Variants in PREX1 observed in about 807,000 individuals in gnomAD.
PREX1 encodes phosphatidylinositol 3,4,5-trisphosphate-dependent Rac exchanger 1 protein.
A neutral mutation model predicts 198.3 loss-of-function variants in PREX1; 41 were observed. That is an observed-to-expected ratio of 0.21 (90% CI 0.16 to 0.27). PREX1 has a LOEUF of 0.27. Ranked by LOEUF, PREX1 falls within the 10% of genes least tolerant of loss-of-function variation. The pLI, the probability that PREX1 is intolerant of heterozygous loss-of-function variation, is 1.00. For synonymous variants in PREX1, 843 were observed against 887.2 expected, an observed-to-expected ratio of 0.95 and a Z score of 0.89; for missense variants, 1,620 against 2,200.7, an observed-to-expected ratio of 0.74 and a Z score of 5.28.
chr20:48,692,051 A>G lies in PREX1; in HGVS notation c.1036+621T>C, dbSNP rs559113240. The stretch of plus-strand genomic sequence containing the variant: ...ACCACAGTTGCACGCCACCATGTCC[A>G]GCTAGTTTTTGTATTTTTTGTAGAG... On this transcript the variant is annotated intron_variant, in intron 8 of 39. Transcript: ENST00000371941. Among the ~76,000 whole-genome samples, 11 of 152,190 alleles carry G rather than the reference A, an allele frequency of 7.2e-5. No individual in the cohort carries two copies. The South Asian group carries it at 2.3e-3, about 32-fold the overall frequency.
In PREX1 at chr20:48,674,347, T is replaced by C. The variant is rs547428301; in HGVS notation, c.1665+1846A>G. On this transcript the variant is annotated intron_variant, in intron 14 of 39. Transcript: ENST00000371941. ...ATTGGCTGTGATTTATCAGCACGTA[T>C]CAGGAATTTGTGCAACATGAGAAAA... is the stretch of plus-strand genomic sequence containing the variant. 1.1e-4 allele frequency among the ~76,000 whole-genome samples: 17 copies of C among 152,382 alleles called. 1 individual carries two copies. The South Asian group carries it at 3.5e-3, about 32-fold the overall frequency.
At position 48,630,799 on chromosome 20, in the gene PREX1, G is replaced by C; in HGVS notation, c.4527-5C>G. Reference sequence around the variant, plus strand: ...GACCGCTCCAGGTAAAATGCCCTGCGAGAGAAAGATGGGAATGAGGCGGGG... The same window carrying C: ...GACCGCTCCAGGTAAAATGCCCTGCCAGAGAAAGATGGGAATGAGGCGGGG... On this transcript the variant is annotated splice_region_variant and splice_polypyrimidine_tract_variant and intron_variant, in intron 35 of 39. Transcript: ENST00000371941. 6.4e-7 allele frequency: 1 copy of C among 1,568,670 alleles called. No homozygotes were observed. The highest frequency in any genetic ancestry group is 1.7e-5 in the Admixed American group (1 of 59,954).
Position 48,827,839 on chromosome 20 carries a change from C to A in PREX1, c.22G>T (p.Glu8Ter), listed in dbSNP as rs1294710161. Reference sequence around the variant, plus strand: ...TCCCCGGCCCCGTCGCCGCCGGGCTCGCTGCCGCTGGGCGCCTCCATTCTA... The same window carrying A: ...TCCCCGGCCCCGTCGCCGCCGGGCTAGCTGCCGCTGGGCGCCTCCATTCTA... MEAPSGS[E>*]PGGDGAGDCA... Residue 8 changes from glutamate (E) to a stop codon, truncating the protein, a stop_gained, in exon 1 of 40, where the codon GAG becomes TAG. Transcript: ENST00000371941. LOFTEE classifies it high-confidence loss of function. This position sits in a 1 kb window ranked among gnomAD's most constrained non-coding sequence, Gnocchi z 4.1. The A allele has an allele frequency of 4.0e-6, 4 of 989,008 alleles. No homozygotes were observed. The African/African-American group carries it at 7.1e-5, about 17-fold the overall frequency. The allele number at this position is 989,008 out of a possible 1,614,324, so 61.3% of individuals were successfully genotyped here.
chr20:48,762,488 C>T (rs1317483278), intron 1 of PREX1, among the ~76,000 whole-genome samples: 1 of 152,178 alleles, frequency 6.6e-6, no homozygotes. Context: ...TTGCCCATGT[C>T]CCCTGGAGGC....
At chr20:48,833,849 C>T in the PREX1 span, among the ~76,000 whole-genome samples, 2 of 152,162 alleles carry the variant, frequency 1.3e-5, no homozygotes, top group East Asian at 3.9e-4. Context: ...TTTGGGAGGC[C>T]GAGACGGGCG....
chr20:48,800,824 ATT>A (rs887887925), intron 1 of PREX1, among the ~76,000 whole-genome samples: 1 of 147,102 alleles, frequency 6.8e-6, no homozygotes. Flanking sequence ...CAAATATCTA[ATT>A]TTTTTTTTTT....
chr20:48,713,223 G>A (rs1346855290), intron 5 of PREX1, among the ~76,000 whole-genome samples: 2 of 152,014 alleles, frequency 1.3e-5, no homozygotes, highest in Non-Finnish European at 2.9e-5. Flanking sequence ...AAGCCAAGGC[G>A]GGCGGATCAC....
intron 2 of PREX1, 46 bp from the exon 3 acceptor site, chr20:48,745,193 G>A (rs1568847913): frequency 3.2e-6 from 5 of 1,570,984 alleles, no homozygotes; most frequent in Non-Finnish European, 4.3e-6. Context: ...GGCTCAGAGG[G>A]AGAGCAAAGC....
Position 48,629,826 on chromosome 20 carries a change from C to G in PREX1, c.4594-205G>C, listed in dbSNP as rs149348377. 1.7e-3 allele frequency among the ~76,000 whole-genome samples: 264 copies of G among 152,310 alleles called. 1 individual carries two copies. The highest frequency in any genetic ancestry group is 6.2e-3 in the African/African-American group (258 of 41,556). ...CCCTCTGTGGCTCCCCACTGCCCTACAAGCTGGCAGTCAGTGTTGACCATA... is the reference window on the plus strand; with the variant it reads ...CCCTCTGTGGCTCCCCACTGCCCTAGAAGCTGGCAGTCAGTGTTGACCATA... On this transcript the variant is annotated intron_variant, in intron 36 of 39. Coordinates refer to ENST00000371941, the MANE Select transcript of PREX1 (RefSeq NM_020820.4).
At position 48,666,886 on chromosome 20, in the gene PREX1, C is replaced by A. The variant is rs1251993590; in HGVS notation, c.1666-531G>T. On this transcript the variant is annotated intron_variant, in intron 14 of 39. Transcript: ENST00000371941. The surrounding 1 kb of genome is among the most constrained non-coding windows in gnomAD (Gnocchi z 4.3). ...CTATTTTATTGTACTGTGATCAATACCGCAAAGAAAAAATGGAGATTTTAA... is the reference window on the plus strand; with the variant it reads ...CTATTTTATTGTACTGTGATCAATAACGCAAAGAAAAAATGGAGATTTTAA... Among the ~76,000 whole-genome samples, 3 of 152,178 alleles carry A rather than the reference C, an allele frequency of 2.0e-5. No homozygotes were observed. In the South Asian group the frequency reaches 6.2e-4, roughly 31 times the overall value.
At chr20:48,641,216 C>T (rs939946259) in intron 29 of PREX1, among the ~76,000 whole-genome samples, 9 of 152,144 alleles carry the variant, frequency 5.9e-5, no homozygotes, top group African/African-American at 1.9e-4. Flanking sequence ...TTGGTAAGCC[C>T]TTAACACTTC....
intron 1 of PREX1, among the ~76,000 whole-genome samples, chr20:48,795,091 T>A (rs569621801): frequency 6.6e-6 from 1 of 152,162 alleles, no homozygotes; most frequent in Non-Finnish European, 1.5e-5. Context: ...ATGTATGTAT[T>A]TGATGACCGG....
At chr20:48,883,991 C>T in the PREX1 span, among the ~76,000 whole-genome samples, 545 of 151,910 alleles carry the variant, frequency 3.6e-3, 6 homozygotes, top group African/African-American at 0.013. Context: ...ATACAAAAAA[C>T]TAGCCAGGCG....
chr20:48,838,500 A>G, the PREX1 span, among the ~76,000 whole-genome samples: 3 of 152,244 alleles, frequency 2.0e-5, no homozygotes, highest in Non-Finnish European at 4.4e-5. Context: ...CTCACAAGTA[A>G]GTAAATACTT....
intron 1 of PREX1, among the ~76,000 whole-genome samples, chr20:48,748,271 C>T (rs1171966350): frequency 1.3e-5 from 2 of 152,056 alleles, no homozygotes; most frequent in Non-Finnish European, 2.9e-5. Flanking sequence ...CTTTGCTTTA[C>T]AATTTAACCT....
chr20:48,657,262 A>C, intron 17 of PREX1, 74 bp from the exon 18 acceptor site: 4 of 1,530,688 alleles, frequency 2.6e-6, no homozygotes, highest in Non-Finnish European at 3.6e-6. Flanking sequence ...AGGAAGCTCA[A>C]ATGTGTTCAG....
chr20:48,862,790 A>AAAAATAT, the PREX1 span, among the ~76,000 whole-genome samples: 1,008 of 102,500 alleles, frequency 9.8e-3, 36 homozygotes, highest in African/African-American at 0.039. Context: ...TAAAAAAAAA[A>AAAAATAT]ATATATATAT....
the PREX1 span, among the ~76,000 whole-genome samples, chr20:48,854,707 T>TG: frequency 1.3e-5 from 2 of 152,214 alleles, no homozygotes; most frequent in Admixed American, 6.5e-5. Context: ...ACTTTCCAGA[T>TG]GAAGAGGCCG....
chr20:48,767,311 G>C (rs2090213117), intron 1 of PREX1, among the ~76,000 whole-genome samples: 1 of 152,160 alleles, frequency 6.6e-6, no homozygotes, highest in Non-Finnish European at 1.5e-5. Context: ...CTCCTTCCCT[G>C]GGGGACCTGA....
Sources: allele counts gnomAD v4.1 joint callset (sites outside exome capture counted in the v4.1 genomes callset), GRCh38; gene constraint gnomAD v4.1.1; non-coding constraint Gnocchi (gnomAD v3.1); transcripts MANE v1.5; gene names NCBI Gene and HGNC (gene_info 2026-07-23, HGNC 2026-07-21).